The following DNAJC13 variants were observed in gnomAD, a reference collection of about 807,000 sequenced individuals.
DNAJC13 encodes dnaJ homolog subfamily C member 13.
Under a neutral mutation model 290.5 loss-of-function variants are expected in DNAJC13, and 75 were observed. The ratio of observed to expected loss-of-function variants is 0.26; its 90% confidence interval spans 0.21 to 0.31. DNAJC13 has a LOEUF of 0.31. Among genes scored for constraint, DNAJC13 ranks in the 10% least tolerant of loss-of-function variants. The pLI, the probability that DNAJC13 is intolerant of heterozygous loss-of-function variation, is 1.00. For synonymous variants in DNAJC13, 862 were observed against 892.0 expected (o/e 0.97, Z 0.60); for missense variants, 2,260 against 2,674.5 (o/e 0.85, Z 3.42).
At chr3:132,516,337 A>T in intron 46 of DNAJC13, 85 bp from the exon 47 acceptor site, 1 of 1,192,164 alleles carries the variant, frequency 8.4e-7, no homozygotes, top group Non-Finnish European at 1.2e-6. Flanking sequence ...TAGAACATCT[A>T]GTTAAGTGCC....
chr3:132,459,158 G>C (rs1038882470), intron 13 of DNAJC13, among the ~76,000 whole-genome samples: 35 of 152,296 alleles, frequency 2.3e-4, no homozygotes, highest in African/African-American at 8.2e-4. Context: ...TCAAGGTCAT[G>C]TAGCTAGTAA....
intron 2 of DNAJC13, among the ~76,000 whole-genome samples, chr3:132,442,075 C>A (rs1576462142): frequency 6.8e-6 from 1 of 146,444 alleles, no homozygotes; most frequent in African/African-American, 2.5e-5. Flanking sequence ...AAAAAAAAAT[C>A]ATGCTATAAA....
intron 42 of DNAJC13, among the ~76,000 whole-genome samples, chr3:132,506,190 T>C (rs530494377): frequency 6.0e-5 from 9 of 150,492 alleles, no homozygotes; most frequent in East Asian, 2.0e-4. Flanking sequence ...GTAGCTGGGA[T>C]TACAGGCATG....
At position 132,522,962 on chromosome 3, in the gene DNAJC13, T is replaced by G; in HGVS notation, c.5808T>G (p.Asp1936Glu). ...PELIWNDNSR[D>E]KVSTTVREMM... Reference sequence around the variant, plus strand: ...TAATTTGGAATGATAATTCCAGAGATAAAGTGTCCACAACAGTTAGGGAAA... The same window carrying G: ...TAATTTGGAATGATAATTCCAGAGAGAAAGTGTCCACAACAGTTAGGGAAA... The change falls in exon 49 of 56, where the codon GAT becomes GAG. Residue 1936 changes from aspartate (D) to glutamate (E), a missense_variant. Coordinates refer to ENST00000260818, the MANE Select transcript of DNAJC13 (RefSeq NM_015268.4). 6.2e-7 allele frequency: 1 copy of G among 1,612,966 alleles called. No individual in the cohort carries two copies. The highest frequency in any genetic ancestry group is 8.5e-7 in the Non-Finnish European group (1 of 1,179,658).
Position 132,484,140 on chromosome 3 carries a change from C to T in DNAJC13, c.3183-448C>T, listed in dbSNP as rs866588160. Among the ~76,000 whole-genome samples the T allele has an allele frequency of 3.3e-5, 5 of 152,296 alleles. No individual in the cohort carries two copies. In the South Asian group the frequency reaches 1.0e-3, roughly 32 times the overall value. ...AACATTTTAAAACACTTGAAGTTTT[C>T]ATGGTTCCAGTTGGACTCAAAATTA... On this transcript the variant is annotated intron_variant, in intron 28 of 55. Coordinates refer to ENST00000260818, the MANE Select transcript of DNAJC13 (RefSeq NM_015268.4).
At chr3:132,453,814 T>G (rs937175337) in intron 8 of DNAJC13, 120 bp downstream of exon 8, 1 of 828,364 alleles carries the variant, frequency 1.2e-6, no homozygotes. Context: ...GAATCTGTAT[T>G]TAACTCTTAA....
In DNAJC13 at chr3:132,418,296, CT is replaced by C. The variant is rs1938857475; in HGVS notation, c.-14+538del. On this transcript the variant is annotated intron_variant, in intron 1 of 55. Coordinates refer to ENST00000260818, the MANE Select transcript of DNAJC13 (RefSeq NM_015268.4). Reference sequence around the variant, plus strand: ...ATCATTTTCTCCCCTAAGGCTTTTCCTTCCTGCAAGGCAGCTTATTCACGTG... The same window carrying C: ...ATCATTTTCTCCCCTAAGGCTTTTCCTCCTGCAAGGCAGCTTATTCACGTG... 2.0e-5 allele frequency among the ~76,000 whole-genome samples: 3 copies of C among 152,156 alleles called. No homozygotes were observed. The South Asian group carries it at 6.2e-4, about 31-fold the overall frequency.
intron 46 of DNAJC13, chr3:132,514,908 AT>A: frequency 3.0e-6 from 1 of 329,996 alleles, no homozygotes; most frequent in Non-Finnish European, 5.4e-6. Context: ...ATAACCTGGG[AT>A]TTTCAGTTTG....
intron 41 of DNAJC13, 25 bp from the exon 42 acceptor site, chr3:132,505,277 A>G: frequency 6.9e-7 from 1 of 1,440,844 alleles, no homozygotes. Flanking sequence ...ACTAAATGTT[A>G]TAAAACGGTA....
chr3:132,505,549 T>C (rs1935557069), intron 42 of DNAJC13, 134 bp downstream of exon 42: 1 of 628,748 alleles, frequency 1.6e-6, no homozygotes, highest in Non-Finnish European at 2.8e-6. Flanking sequence ...TGCCACCTAA[T>C]ATTTGGCCCA....
At chr3:132,431,079 G>C (rs1939227018) in intron 1 of DNAJC13, among the ~76,000 whole-genome samples, 1 of 152,208 alleles carries the variant, frequency 6.6e-6, no homozygotes, top group Non-Finnish European at 1.5e-5. Flanking sequence ...CAGAAGGTTT[G>C]ACAAAACCCT....
intron 43 of DNAJC13, among the ~76,000 whole-genome samples, chr3:132,508,522 A>T (rs1271444211): frequency 6.6e-6 from 1 of 152,220 alleles, no homozygotes; most frequent in East Asian, 1.9e-4. Flanking sequence ...CCCTTCTGAA[A>T]ATCCTAGGAA....
At chr3:132,524,676 C>G (rs1365811661) in intron 51 of DNAJC13, among the ~76,000 whole-genome samples, 1 of 152,236 alleles carries the variant, frequency 6.6e-6, no homozygotes, top group Non-Finnish European at 1.5e-5. Flanking sequence ...AATAGGATTT[C>G]TACTACATAC....
intron 29 of DNAJC13, among the ~76,000 whole-genome samples, chr3:132,485,132 A>C (rs1038432163): frequency 3.3e-5 from 5 of 151,902 alleles, no homozygotes; most frequent in African/African-American, 1.2e-4. Flanking sequence ...CATTTCACTT[A>C]ATTTTTTATT....
At chr3:132,492,707 A>G in intron 33 of DNAJC13, 92 bp downstream of exon 33, 1 of 1,081,034 alleles carries the variant, frequency 9.3e-7, no homozygotes, top group Non-Finnish European at 1.4e-6. Context: ...TAAGATGGTT[A>G]ATAGCTTTCT....
intron 3 of DNAJC13, 55 bp from the exon 4 acceptor site, chr3:132,447,266 G>A (rs1307295347): frequency 7.5e-7 from 1 of 1,336,106 alleles, no homozygotes; most frequent in African/African-American, 1.5e-5. Flanking sequence ...ACAAAAATAA[G>A]CATTACATTT....
intron 21 of DNAJC13, 35 bp downstream of exon 21, chr3:132,473,262 A>T (rs781034385): frequency 7.0e-7 from 1 of 1,428,658 alleles, no homozygotes; most frequent in Non-Finnish European, 9.7e-7. Context: ...TAAAGATTAA[A>T]TTTAGTATTG....
intron 22 of DNAJC13, among the ~76,000 whole-genome samples, chr3:132,476,726 CCTCAAGGTCGT>C (rs1410316710): frequency 3.9e-5 from 6 of 152,234 alleles, no homozygotes; most frequent in African/African-American, 9.6e-5. Flanking sequence ...CACATTCTTG[CCTCAAGGTCGT>C]CTTCTTTGGT....
At chr3:132,447,242 A>G (rs555648765) in intron 3 of DNAJC13, 79 bp from the exon 4 acceptor site, 4 of 1,236,472 alleles carry the variant, frequency 3.2e-6, no homozygotes, top group African/African-American at 3.1e-5. Flanking sequence ...ATCAGTGATT[A>G]TGAAATTAAA....
Sources: allele counts gnomAD v4.1 joint callset (sites outside exome capture counted in the v4.1 genomes callset), GRCh38; gene constraint gnomAD v4.1.1; transcripts MANE v1.5; gene names NCBI Gene and HGNC (gene_info 2026-07-23, HGNC 2026-07-21).